Variants in EPHA6 observed in about 807,000 individuals in gnomAD.
EPHA6 encodes EPH receptor A6.
In EPHA6, 50 loss-of-function variants were observed where a neutral mutation model predicts 112.0. The observed-to-expected ratio is 0.45, with a 90% CI of 0.36 to 0.56. EPHA6 has a LOEUF of 0.56. Among genes scored for constraint, EPHA6 ranks in the 20% least tolerant of loss-of-function variants. The pLI is 0.00. For missense variants in EPHA6, 1,280 were observed against 1,417.4 expected (o/e 0.90, Z 1.56); for synonymous variants, 529 against 490.7 (o/e 1.08, Z -1.03).
chr3:96,902,768 G>A (rs545024702), intron 2 of EPHA6, among the ~76,000 whole-genome samples: 33 of 152,112 alleles, frequency 2.2e-4, no homozygotes, highest in South Asian at 1.7e-3. Flanking sequence ...ATTTCCTACC[G>A]GGATCTTTTA....
At chr3:97,188,469 G>A (rs1166278235) in intron 3 of EPHA6, among the ~76,000 whole-genome samples, 6 of 151,932 alleles carry the variant, frequency 3.9e-5, no homozygotes, top group Non-Finnish European at 8.8e-5. Flanking sequence ...AATCAAACTA[G>A]GGAGAAGAAG....
At chr3:97,129,675 A>C (rs1363293527) in intron 3 of EPHA6, among the ~76,000 whole-genome samples, 3 of 152,124 alleles carry the variant, frequency 2.0e-5, no homozygotes, top group Non-Finnish European at 4.4e-5. Flanking sequence ...GGAGTTTTGC[A>C]GTAGTAGAGA....
chr3:97,210,109 T>G (rs1173620631), intron 3 of EPHA6, among the ~76,000 whole-genome samples: 1 of 152,186 alleles, frequency 6.6e-6, no homozygotes. Context: ...TACTAAAGAC[T>G]GTTTTGTTAT....
chr3:97,516,196 T>C (rs1278646924), intron 10 of EPHA6, among the ~76,000 whole-genome samples: 2 of 152,182 alleles, frequency 1.3e-5, no homozygotes, highest in East Asian at 1.9e-4. Context: ...CTAACAATGA[T>C]ACTAAAGCAA....
Position 97,750,208 on chromosome 3 carries a change from A to G in EPHA6, c.*1507A>G, listed in dbSNP as rs1287471953. Among the ~76,000 whole-genome samples the G allele has an allele frequency of 1.3e-5, 2 of 152,150 alleles. No individual in the cohort carries two copies. Among genetic ancestry groups the G allele is most frequent in the African/African-American group, 4.8e-5 (2 of 41,436 alleles). On this transcript the variant is annotated 3_prime_UTR_variant, in exon 18 of 18. Coordinates refer to ENST00000389672, the MANE Select transcript of EPHA6 (RefSeq NM_001080448.3). ...TTGTCTAAAGATGCTGATTTAATAA[A>G]TTAGCTTTTGTTGGATCTCAGTGAT...
intron 3 of EPHA6, among the ~76,000 whole-genome samples, chr3:97,122,490 G>A (rs2108305883): frequency 6.6e-6 from 1 of 152,096 alleles, no homozygotes; most frequent in South Asian, 2.1e-4. Flanking sequence ...TTTCTACTGA[G>A]TAGATAATCC....
chr3:97,257,299 AT>A (rs1323598409), intron 5 of EPHA6, among the ~76,000 whole-genome samples: 1 of 152,124 alleles, frequency 6.6e-6, no homozygotes, highest in African/African-American at 2.4e-5. Context: ...ATACATCAAA[AT>A]TTATTATAAA....
intron 2 of EPHA6, among the ~76,000 whole-genome samples, chr3:96,986,076 G>T (rs1353195071): frequency 2.6e-5 from 4 of 151,952 alleles, no homozygotes; most frequent in Non-Finnish European, 5.9e-5. Context: ...ATGCCATAAG[G>T]TTACCTGAAT....
chr3:97,733,568 A>G (rs921809913), intron 15 of EPHA6, among the ~76,000 whole-genome samples: 1 of 152,088 alleles, frequency 6.6e-6, no homozygotes, highest in Non-Finnish European at 1.5e-5. Flanking sequence ...TTAATGTGTC[A>G]GGCAATGTAC....
At chr3:97,330,683 C>T (rs1428458588) in intron 5 of EPHA6, among the ~76,000 whole-genome samples, 1 of 152,038 alleles carries the variant, frequency 6.6e-6, no homozygotes, top group Non-Finnish European at 1.5e-5. Context: ...ATCAATTCAA[C>T]AAGAAGAGCT....
chr3:97,617,928 G>T (rs1394972486), intron 13 of EPHA6, among the ~76,000 whole-genome samples: 1 of 152,104 alleles, frequency 6.6e-6, no homozygotes, highest in Admixed American at 6.5e-5. Flanking sequence ...GGATTGAATG[G>T]ACTTGATAGA....
At chr3:97,079,385 G>T (rs1043084156) in intron 3 of EPHA6, among the ~76,000 whole-genome samples, 1 of 152,014 alleles carries the variant, frequency 6.6e-6, no homozygotes, top group African/African-American at 2.4e-5. Flanking sequence ...TCTTAAAAGT[G>T]GGAACTAAAT....
intron 7 of EPHA6, among the ~76,000 whole-genome samples, chr3:97,455,388 A>G (rs2090649467): frequency 6.6e-6 from 1 of 152,092 alleles, no homozygotes. Flanking sequence ...GTAACTTAAC[A>G]GTACCCACAG....
chr3:97,338,190 TA>T (rs2083146951), intron 5 of EPHA6, among the ~76,000 whole-genome samples: 1 of 152,054 alleles, frequency 6.6e-6, no homozygotes, highest in African/African-American at 2.4e-5. Flanking sequence ...TGCCACATTG[TA>T]CAATTCTATA....
intron 5 of EPHA6, among the ~76,000 whole-genome samples, chr3:97,398,628 T>C (rs970021466): frequency 2.0e-5 from 3 of 151,500 alleles, no homozygotes; most frequent in African/African-American, 7.2e-5. Context: ...ATATGGTTGC[T>C]ACATAAAGAA....
chr3:97,590,616 A>G (rs914003669), intron 11 of EPHA6, among the ~76,000 whole-genome samples: 3 of 152,036 alleles, frequency 2.0e-5, no homozygotes, highest in African/African-American at 7.2e-5. Context: ...TTTGCTCTTC[A>G]TGACTATGTT....
chr3:97,537,670 C>G (rs890208292), intron 11 of EPHA6, among the ~76,000 whole-genome samples: 23 of 152,150 alleles, frequency 1.5e-4, no homozygotes, highest in African/African-American at 4.3e-4. Context: ...CCTCCACCTC[C>G]CAGGTTCAAG....
intron 3 of EPHA6, among the ~76,000 whole-genome samples, chr3:97,067,166 T>A (rs903321943): frequency 6.6e-6 from 1 of 152,164 alleles, no homozygotes. Context: ...TTAGTTTTTG[T>A]TGCCTGCCAG....
chr3:97,563,670 GA>G (rs1252206464), intron 11 of EPHA6, among the ~76,000 whole-genome samples: 2 of 152,132 alleles, frequency 1.3e-5, no homozygotes, highest in Non-Finnish European at 2.9e-5. Flanking sequence ...ATATTTACCA[GA>G]AAGTTCCTGG....
Sources: allele counts gnomAD v4.1 joint callset (sites outside exome capture counted in the v4.1 genomes callset), GRCh38; gene constraint gnomAD v4.1.1; transcripts MANE v1.5; gene names NCBI Gene and HGNC (gene_info 2026-07-23, HGNC 2026-07-21).